Variants in FTCD observed in about 807,000 individuals in gnomAD.
FTCD encodes formimidoyltransferase cyclodeaminase, also known as formimidoyltransferase-cyclodeaminase.
In FTCD, 76 loss-of-function variants were observed where a neutral mutation model predicts 62.9. The ratio of observed to expected loss-of-function variants is 1.21; its 90% CI spans 1.00 to 1.46. The LOEUF is 1.46. FTCD is among the 40% of genes most tolerant of loss of function. The probability of loss-of-function intolerance (pLI) is 0.00; values close to 1 mark genes in which losing one functional copy is unlikely to be tolerated. For synonymous variants in FTCD, 397 were observed against 336.9 expected (o/e 1.18, Z -1.95); for missense variants, 845 against 751.3 (o/e 1.12, Z -1.46).
intron 7 of FTCD, chr21:46,146,763 A>C: frequency 5.1e-6 from 1 of 196,466 alleles, no homozygotes; most frequent in Non-Finnish European, 1.0e-5. Context: ...CCACACATAA[A>C]CTTGTATGCC....
chr21:46,152,578 GTC>G (rs926701302), intron 3 of FTCD: 1 of 262,322 alleles, frequency 3.8e-6, no homozygotes, highest in Non-Finnish European at 7.3e-6. Context: ...TGTCCCGTTT[GTC>G]TCTGTTTGTT....
In FTCD at chr21:46,145,958, G is replaced by C. The variant is rs920274223; in HGVS notation, c.969-11C>G. 3.4e-6 allele frequency: 5 copies of C among 1,469,316 alleles called. No individual in the cohort carries two copies. 91.0% of individuals were successfully genotyped at this position (1,469,316 alleles called of 1,614,324 possible). A position where few individuals can be genotyped will look rare whatever the true frequency, so the allele number is the denominator to read the frequency against. On this transcript the variant is annotated splice_polypyrimidine_tract_variant and intron_variant, in intron 8 of 13. Transcript: ENST00000397746. ...TCAGGGACCAGGTACCTGCAGGGTG[G>C]GCGCGGCTCAGCGGGTCTGGCCGGG...
At chr21:46,139,144 C>A in intron 10 of FTCD, 1 of 599,972 alleles carries the variant, frequency 1.7e-6, no homozygotes, top group Non-Finnish European at 3.0e-6. Flanking sequence ...GGTCAGAGAC[C>A]CGGGGATGTG....
chr21:46,137,724 A>C (rs2078902308), intron 12 of FTCD, among the ~76,000 whole-genome samples: 1 of 152,046 alleles, frequency 6.6e-6, no homozygotes, highest in Non-Finnish European at 1.5e-5. Flanking sequence ...CTGGGACCAG[A>C]TGCTGAAAAG....
chr21:46,150,023 G>T, intron 7 of FTCD, 96 bp downstream of exon 7: 1 of 1,154,482 alleles, frequency 8.7e-7, no homozygotes, highest in Non-Finnish European at 1.3e-6. Context: ...GGGAGGAGGG[G>T]GAGGGAAGCT....
downstream of FTCD, chr21:46,136,642 T>A (rs1044847533): frequency 1.0e-5 from 15 of 1,482,148 alleles, no homozygotes; most frequent in Non-Finnish European, 1.3e-5. Context: ...GGCGCTGAGG[T>A]CTGTCTCCTC....
chr21:46,146,388 G>A (rs1402009233), intron 7 of FTCD, 61 bp from the exon 8 acceptor site: 3 of 1,135,306 alleles, frequency 2.6e-6, no homozygotes, highest in Non-Finnish European at 3.9e-6. Flanking sequence ...GGAAAGCCTC[G>A]GAACCCGCGG....
chr21:46,147,836 C>T (rs1453236905), intron 7 of FTCD, among the ~76,000 whole-genome samples: 4 of 150,996 alleles, frequency 2.6e-5, no homozygotes, highest in Admixed American at 6.6e-5. Flanking sequence ...CCCAGCTACT[C>T]GAGAGGCTGA....
intron 10 of FTCD, among the ~76,000 whole-genome samples, chr21:46,141,774 G>A (rs903031277): frequency 6.6e-6 from 1 of 152,006 alleles, no homozygotes; most frequent in Non-Finnish European, 1.5e-5. Context: ...GATAAAAGGA[G>A]TCAAAAAATA....
At chr21:46,150,567 A>G in intron 5 of FTCD, 42 bp from the exon 6 acceptor site, 1 of 1,608,670 alleles carries the variant, frequency 6.2e-7, no homozygotes, top group Non-Finnish European at 8.5e-7. Flanking sequence ...TAGGAAGCTC[A>G]TCCTGCCTGG....
intron 9 of FTCD, 74 bp from the exon 10 acceptor site, chr21:46,145,652 C>T: frequency 8.5e-7 from 1 of 1,180,954 alleles, no homozygotes; most frequent in Non-Finnish European, 1.1e-6. Context: ...GAGCCAGGGG[C>T]CCGGGTGATC....
chr21:46,138,714 C>A, intron 11 of FTCD, 68 bp from the exon 12 acceptor site: 1 of 1,537,982 alleles, frequency 6.5e-7, no homozygotes, highest in South Asian at 1.1e-5. Flanking sequence ...ACACTGCACC[C>A]CAACAGGGCT....
In FTCD at chr21:46,138,732, C is replaced by G. The variant is rs1039935726; in HGVS notation, c.1305-86G>C. On this transcript the variant is annotated intron_variant, in intron 11 of 13. Transcript: ENST00000397746. ...CTGCACCCCAACAGGGCTGAGCAGG[C>G]TGCAGAAGCGGGCGATGGGAAGTCA... 28 of 1,506,482 alleles carry G rather than the reference C, an allele frequency of 1.9e-5. 1 individual carries two copies. The highest frequency in any genetic ancestry group is 4.5e-5 in the South Asian group (4 of 89,228). 93.3% of individuals were successfully genotyped at this position (1,506,482 alleles called of 1,614,324 possible).
chr21:46,141,597 G>T (rs890243249), intron 10 of FTCD, among the ~76,000 whole-genome samples: 3 of 151,998 alleles, frequency 2.0e-5, no homozygotes, highest in Non-Finnish European at 4.4e-5. Context: ...ATAAAGTCAG[G>T]ATTGACACAT....
intron 7 of FTCD, 45 bp from the exon 8 acceptor site, chr21:46,146,372 C>G: frequency 7.3e-7 from 1 of 1,370,226 alleles, no homozygotes; most frequent in South Asian, 1.2e-5. Flanking sequence ...CGCGTCTCCA[C>G]CACCAGGAAA....
chr21:46,152,780 T>TGGCC (rs1403327238), intron 3 of FTCD, 127 bp downstream of exon 3: 4 of 794,998 alleles, frequency 5.0e-6, no homozygotes. Context: ...TTCTGCATGT[T>TGGCC]GGCTTTTTGG....
chr21:46,145,961 G>A lies in FTCD; in HGVS notation c.969-14C>T, dbSNP rs114648240. ...GGGACCAGGTACCTGCAGGGTGGGC[G>A]CGGCTCAGCGGGTCTGGCCGGGGTT... On this transcript the variant is annotated splice_polypyrimidine_tract_variant and intron_variant, in intron 8 of 13. Coordinates refer to ENST00000397746, the MANE Select transcript of FTCD (RefSeq NM_206965.2). 2.9e-3 allele frequency: 4,205 copies of A among 1,446,038 alleles called. 109 individuals are homozygous for A. In the African/African-American group the frequency reaches 0.056, roughly 19 times the overall value. The allele number at this position is 1,446,038 out of a possible 1,614,324, so 89.6% of individuals were successfully genotyped here.
At chr21:46,143,455 A>G (rs913675296) in intron 10 of FTCD, among the ~76,000 whole-genome samples, 6 of 152,168 alleles carry the variant, frequency 3.9e-5, no homozygotes, top group African/African-American at 1.4e-4. Flanking sequence ...ACAATAAAAT[A>G]TATAAAATAA....
chr21:46,137,293 A>C lies in FTCD; in HGVS notation c.1485T>G (p.Tyr495Ter). 6.2e-7 allele frequency: 1 copy of C among 1,613,882 alleles called. No individual in the cohort carries two copies. The highest frequency in any genetic ancestry group is 8.5e-7 in the Non-Finnish European group (1 of 1,180,006). ...CCCTCAGGTTGATGAGCACGTTGAAATATGCGCCAAACACGCCCATCTCCA... is the reference window on the plus strand; with the variant it reads ...CCCTCAGGTTGATGAGCACGTTGAACTATGCGCCAAACACGCCCATCTCCA... ...KALEMGVFGA[Y>*]FNVLINLRDI... The change falls in exon 13 of 14, where the codon TAT becomes TAG. Residue 495 changes from tyrosine to a stop codon, truncating the protein, a stop_gained. Coordinates refer to ENST00000397746, the MANE Select transcript of FTCD (RefSeq NM_206965.2). LOFTEE classifies it high-confidence loss of function.
Sources: gnomAD v4.1 joint callset for allele counts (sites outside exome capture counted in the v4.1 genomes callset) on GRCh38, gnomAD v4.1.1 for gene constraint, MANE v1.5 for transcripts, NCBI Gene and HGNC (gene_info 2026-07-23, HGNC 2026-07-21) for gene names.